Variants in NPR3 observed in about 807,000 individuals in gnomAD.
NPR3 encodes atrial natriuretic peptide receptor 3.
In NPR3, 34 loss-of-function variants were observed where a neutral mutation model predicts 54.5. The observed-to-expected ratio is 0.62, with a 90% CI of 0.47 to 0.83. NPR3 has a LOEUF of 0.83. NPR3 is among the 40% of genes least tolerant of loss of function. The probability of loss-of-function intolerance (pLI) is 0.00; values close to 1 mark genes in which losing one functional copy is unlikely to be tolerated. For synonymous variants in NPR3, 289 were observed against 297.1 expected, an observed-to-expected ratio of 0.97 and a Z score of 0.28; for missense variants, 674 against 720.8, an observed-to-expected ratio of 0.94 and a Z score of 0.74.
chr5:32,696,401 C>T (rs1201009756), intron 1 of NPR3, among the ~76,000 whole-genome samples: 2 of 150,150 alleles, frequency 1.3e-5, no homozygotes, highest in South Asian at 2.1e-4. Flanking sequence ...GTTACTATAG[C>T]TTTACAGTAT....
At chr5:32,708,772 C>A (rs867465604), upstream of NPR3, among the ~76,000 whole-genome samples, 1 of 152,168 alleles carries the variant, frequency 6.6e-6, no homozygotes, top group Non-Finnish European at 1.5e-5. Context: ...ACTTTGAAAT[C>A]CATACACTTA....
chr5:32,715,013 A>G (rs1210376580), intron 1 of NPR3, among the ~76,000 whole-genome samples: 2 of 152,184 alleles, frequency 1.3e-5, no homozygotes, highest in Non-Finnish European at 2.9e-5. Flanking sequence ...GCACTGCCAG[A>G]AGAATATGAA....
intron 4 of NPR3, among the ~76,000 whole-genome samples, chr5:32,776,157 G>A (rs1034283325): frequency 1.3e-5 from 2 of 152,188 alleles, no homozygotes; most frequent in African/African-American, 4.8e-5. Context: ...TATGAAAGGG[G>A]TGATAGTATG....
chr5:32,766,215 G>A (rs570759265), intron 3 of NPR3, among the ~76,000 whole-genome samples: 14 of 152,290 alleles, frequency 9.2e-5, no homozygotes, highest in African/African-American at 2.2e-4. Flanking sequence ...GTAGAATTTT[G>A]TACTCTAGAG....
At chr5:32,740,330 T>C (rs1165566003) in intron 3 of NPR3, among the ~76,000 whole-genome samples, 1 of 152,248 alleles carries the variant, frequency 6.6e-6, no homozygotes, top group African/African-American at 2.4e-5. Context: ...CATTTAACGC[T>C]ATCCCTGTCA....
intron 1 of NPR3, among the ~76,000 whole-genome samples, chr5:32,720,912 T>G (rs545073540): frequency 2.6e-5 from 4 of 152,216 alleles, no homozygotes; most frequent in Non-Finnish European, 5.9e-5. Flanking sequence ...GTGCTTATTA[T>G]GATAAATATG....
At chr5:32,701,195 TA>T (rs1746393517) in intron 1 of NPR3, among the ~76,000 whole-genome samples, 8 of 152,012 alleles carry the variant, frequency 5.3e-5, no homozygotes, top group African/African-American at 1.9e-4. Context: ...TTTTTATTAT[TA>T]TTTTTTCTTT....
At chr5:32,708,928 A>G (rs1279965275), upstream of NPR3, among the ~76,000 whole-genome samples, 1 of 147,470 alleles carries the variant, frequency 6.8e-6, no homozygotes, top group Non-Finnish European at 1.5e-5. Context: ...TTTTTTTTTA[A>G]TTCGTTCCGC....
At chr5:32,764,744 C>T (rs936002547) in intron 3 of NPR3, among the ~76,000 whole-genome samples, 11 of 140,262 alleles carry the variant, frequency 7.8e-5, no homozygotes, top group African/African-American at 1.6e-4. Context: ...GCCGAGATCA[C>T]GCCACTCCAT....
chr5:32,728,886 G>T (rs1739296781), intron 2 of NPR3, among the ~76,000 whole-genome samples: 1 of 118,258 alleles, frequency 8.5e-6, no homozygotes, highest in Non-Finnish European at 1.7e-5. Flanking sequence ...TGTAAAATGA[G>T]ACATCTTGGA....
At chr5:32,695,572 A>G (rs1031715568) in intron 1 of NPR3, among the ~76,000 whole-genome samples, 6 of 152,090 alleles carry the variant, frequency 3.9e-5, no homozygotes, top group African/African-American at 1.4e-4. Context: ...CTGGCCCTCT[A>G]TTTTTAGTTT....
In NPR3 at chr5:32,782,944, G is replaced by A. The variant is rs771272328; in HGVS notation, c.1342G>A (p.Val448Ile). The change falls in exon 6 of 8, where the codon GTC becomes ATC. Residue 448 changes from valine to isoleucine, a missense_variant. By Grantham distance (29) the Val-to-Ile change is conservative. Transcript: ENST00000265074. ...KEGRFEMRPNVKYPWGPLKLR... is the reference protein window; with the variant it reads ...KEGRFEMRPNIKYPWGPLKLR... Reference sequence around the variant, plus strand: ...AGGTCGTTTTGAAATGCGGCCGAATGTCAAATATCCTTGGGGCCCTTTAAA... The same window carrying A: ...AGGTCGTTTTGAAATGCGGCCGAATATCAAATATCCTTGGGGCCCTTTAAA... 8 of 1,611,686 alleles carry A rather than the reference G, an allele frequency of 5.0e-6. No individual in the cohort carries two copies. In the South Asian group the frequency reaches 8.8e-5, roughly 18 times the overall value.
At chr5:32,725,083 G>A (rs1444267437) in intron 2 of NPR3, among the ~76,000 whole-genome samples, 6 of 152,042 alleles carry the variant, frequency 3.9e-5, no homozygotes, top group Admixed American at 1.3e-4. Flanking sequence ...GAGCAAATAC[G>A]GACATAAACA....
At chr5:32,743,392 ATG>A (rs144093983) in intron 3 of NPR3, among the ~76,000 whole-genome samples, 156 of 151,254 alleles carry the variant, frequency 1.0e-3, no homozygotes, top group African/African-American at 3.0e-3. Context: ...TACTCTTTGT[ATG>A]TGTGTGTGTG....
At chr5:32,781,474 G>GA (rs1742334915) in intron 5 of NPR3, among the ~76,000 whole-genome samples, 3 of 94,314 alleles carry the variant, frequency 3.2e-5, no homozygotes, top group African/African-American at 1.7e-4. Flanking sequence ...TGGCTCCCAG[G>GA]GCATTGCTCC....
intron 3 of NPR3, among the ~76,000 whole-genome samples, chr5:32,763,476 ATTT>A (rs34351463): frequency 2.2e-5 from 3 of 133,820 alleles, no homozygotes; most frequent in Admixed American, 7.6e-5. Context: ...CGCTCAGCTA[ATTT>A]TTTTTTTTTT....
At chr5:32,758,688 G>T (rs1425096009) in intron 3 of NPR3, among the ~76,000 whole-genome samples, 1 of 152,016 alleles carries the variant, frequency 6.6e-6, no homozygotes, top group Non-Finnish European at 1.5e-5. Context: ...TCTTTTAATT[G>T]TGATGTTAGG....
At chr5:32,752,068 G>T (rs141261158) in intron 3 of NPR3, among the ~76,000 whole-genome samples, 4,247 of 152,188 alleles carry the variant, frequency 0.028, 72 homozygotes, top group Middle Eastern at 0.088. Flanking sequence ...GCTGAGTGTG[G>T]TGGTGGGTGC....
At chr5:32,735,785 C>T (rs1323417174) in intron 2 of NPR3, among the ~76,000 whole-genome samples, 1 of 152,208 alleles carries the variant, frequency 6.6e-6, no homozygotes, top group African/African-American at 2.4e-5. Flanking sequence ...TAATGCTCAA[C>T]AGCCCTGATA....
Sources: gnomAD v4.1 joint callset for allele counts (sites outside exome capture counted in the v4.1 genomes callset) on GRCh38, gnomAD v4.1.1 for gene constraint, MANE v1.5 for transcripts, NCBI Gene and HGNC (gene_info 2026-07-23, HGNC 2026-07-21) for gene names.